Variants in SYBU observed in about 807,000 individuals in gnomAD.
The protein encoded by SYBU is syntabulin.
SYBU carries 21 observed loss-of-function variants against 35.9 expected under a neutral mutation model. That is an observed-to-expected ratio of 0.58 (90% CI 0.41 to 0.84). The LOEUF is 0.84. SYBU is among the 40% of genes least tolerant of loss of function. The pLI is 0.00. For synonymous variants in SYBU, 319 were observed against 324.3 expected, an observed-to-expected ratio of 0.98 and a Z score of 0.18; for missense variants, 768 against 848.2, an observed-to-expected ratio of 0.91 and a Z score of 1.17.
chr8:109,631,317 C>T (rs1056436208), intron 2 of SYBU, among the ~76,000 whole-genome samples: 3 of 152,200 alleles, frequency 2.0e-5, no homozygotes, highest in Non-Finnish European at 2.9e-5. Flanking sequence ...TAACTTACAT[C>T]TACAAAAGCA....
chr8:109,596,403 C>A (rs1453115011), intron 3 of SYBU, among the ~76,000 whole-genome samples: 1 of 152,132 alleles, frequency 6.6e-6, no homozygotes, highest in Non-Finnish European at 1.5e-5. Context: ...AATGAAGAAA[C>A]CACCAATCCA....
intron 1 of SYBU, among the ~76,000 whole-genome samples, chr8:109,661,558 G>C (rs1293490196): frequency 6.6e-6 from 1 of 152,162 alleles, no homozygotes; most frequent in African/African-American, 2.4e-5. Context: ...ACAAAATGGA[G>C]AAATGGCTTT....
intron 3 of SYBU, among the ~76,000 whole-genome samples, chr8:109,587,488 G>C (rs1225631908): frequency 6.6e-6 from 1 of 152,144 alleles, no homozygotes; most frequent in Non-Finnish European, 1.5e-5. Context: ...CCCTCAGAAA[G>C]GCAGTAGGAA....
At chr8:109,622,145 A>C (rs1304307927) in intron 2 of SYBU, among the ~76,000 whole-genome samples, 1 of 152,096 alleles carries the variant, frequency 6.6e-6, no homozygotes, top group Admixed American at 6.6e-5. Context: ...CAAGACTTAA[A>C]TGACTTCTGC....
At chr8:109,600,162 A>T (rs1446971505) in intron 3 of SYBU, among the ~76,000 whole-genome samples, 2 of 152,130 alleles carry the variant, frequency 1.3e-5, no homozygotes, top group African/African-American at 4.8e-5. Flanking sequence ...GTTCTTTTGT[A>T]TCCCCATGTG....
rs1180362057 is a variant in SYBU at position 109,644,648 on chromosome 8, G to A, written c.12C>T (p.Leu4=). 13 of 1,530,140 alleles carry A rather than the reference G, an allele frequency of 8.5e-6. No individual in the cohort carries two copies. Among genetic ancestry groups the A allele is most frequent in the Non-Finnish European group, 1.1e-5 (13 of 1,145,574 alleles). The allele number at this position is 1,530,140 out of a possible 1,614,324, so 94.8% of individuals were successfully genotyped here. Residue 4 remains leucine, a synonymous_variant, in exon 1 of 7, where the codon CTC becomes CTT. Coordinates refer to ENST00000276646, the MANE Select transcript of SYBU (RefSeq NM_001099754.2). ...CCGCGCTCCTTACCTTGCTCTCGCG[G>A]AGGGGCCCCATCGCGCCGCTGCCCG... The part of the protein sequence containing the change: MGP[L]RESKKEHRVQ...
chr8:109,670,248 T>C (rs1816928745), intron 1 of SYBU, among the ~76,000 whole-genome samples: 1 of 151,584 alleles, frequency 6.6e-6, no homozygotes, highest in Non-Finnish European at 1.5e-5. Context: ...TTTTTTTAAA[T>C]TTTTTTTTAT....
chr8:109,669,339 CAAAAAAAA>C (rs533510895), intron 1 of SYBU, among the ~76,000 whole-genome samples: 3 of 49,680 alleles, frequency 6.0e-5, no homozygotes, highest in Non-Finnish European at 1.2e-4. Context: ...GAGACTCCGT[CAAAAAAAA>C]AAAAAAAAAA....
intron 1 of SYBU, among the ~76,000 whole-genome samples, chr8:109,674,407 A>G (rs1817107688): frequency 6.6e-6 from 1 of 152,230 alleles, no homozygotes; most frequent in Non-Finnish European, 1.5e-5. Flanking sequence ...ACGATTTTTC[A>G]ACCCAGAATT....
At chr8:109,608,209 T>A (rs1437705773) in intron 3 of SYBU, 2 of 427,416 alleles carry the variant, frequency 4.7e-6, no homozygotes, top group African/African-American at 2.0e-5. Flanking sequence ...CCCTCATGAA[T>A]GGACACAAAG....
intron 3 of SYBU, among the ~76,000 whole-genome samples, chr8:109,611,805 C>T (rs1447292850): frequency 6.6e-6 from 1 of 152,148 alleles, no homozygotes; most frequent in Non-Finnish European, 1.5e-5. Context: ...TACTGATTTG[C>T]ATCCAAATGG....
chr8:109,676,133 C>T (rs1817181627), intron 1 of SYBU, among the ~76,000 whole-genome samples: 1 of 152,126 alleles, frequency 6.6e-6, no homozygotes, highest in Non-Finnish European at 1.5e-5. Flanking sequence ...AGTGAGGGAA[C>T]ATATCTCAAA....
At chr8:109,596,489 T>C (rs1824893970) in intron 3 of SYBU, among the ~76,000 whole-genome samples, 1 of 152,252 alleles carries the variant, frequency 6.6e-6, no homozygotes, top group Non-Finnish European at 1.5e-5. Context: ...CTGTTCACCA[T>C]TTCCTTGCGT....
chr8:109,674,515 C>G (rs931463563), intron 1 of SYBU, among the ~76,000 whole-genome samples: 1 of 152,156 alleles, frequency 6.6e-6, no homozygotes, highest in African/African-American at 2.4e-5. Flanking sequence ...TCCTGCCTTA[C>G]AAGAGCTCCT....
intron 1 of SYBU, among the ~76,000 whole-genome samples, chr8:109,655,749 C>T (rs892427239): frequency 6.6e-6 from 1 of 152,158 alleles, no homozygotes; most frequent in Non-Finnish European, 1.5e-5. Flanking sequence ...ATATTTTTCA[C>T]ATATTCATAT....
chr8:109,656,518 G>A lies in SYBU; in HGVS notation c.-129+24193C>T, dbSNP rs1816362079. 3.3e-5 allele frequency among the ~76,000 whole-genome samples: 5 copies of A among 152,262 alleles called. No homozygotes were observed. The Middle Eastern group carries it at 0.01, about 311-fold the overall frequency. Reference sequence around the variant, plus strand: ...GTATCTGAAAATATTATTTTAAAATGTGAAGATTATTCGTTGCTAAAAACC... The same window carrying A: ...GTATCTGAAAATATTATTTTAAAATATGAAGATTATTCGTTGCTAAAAACC... On this transcript the variant is annotated intron_variant, in intron 1 of 5. Coordinates refer to the SYBU transcript ENST00000408889.
chr8:109,617,470 A>G (rs1283558676), intron 3 of SYBU, among the ~76,000 whole-genome samples: 1 of 152,254 alleles, frequency 6.6e-6, no homozygotes, highest in Non-Finnish European at 1.5e-5. Flanking sequence ...GGTGAATTTT[A>G]TGGTATATGA....
chr8:109,619,363 A>T (rs1041924480), intron 2 of SYBU, among the ~76,000 whole-genome samples: 2 of 151,892 alleles, frequency 1.3e-5, no homozygotes, highest in Admixed American at 6.6e-5. Flanking sequence ...AGCTGGGATT[A>T]CAGACGTATG....
intron 3 of SYBU, among the ~76,000 whole-genome samples, chr8:109,596,538 A>G (rs1481069069): frequency 1.3e-5 from 2 of 152,252 alleles, no homozygotes; most frequent in Non-Finnish European, 2.9e-5. Context: ...TGTATTTTTA[A>G]AAGGTAGAAT....
Sources: allele counts gnomAD v4.1 joint callset (sites outside exome capture counted in the v4.1 genomes callset), GRCh38; gene constraint gnomAD v4.1.1; transcripts MANE v1.5; gene names NCBI Gene and HGNC (gene_info 2026-07-23, HGNC 2026-07-21).